The following ADGRL2 variants were observed in gnomAD, a reference collection of about 807,000 sequenced individuals.
ADGRL2 encodes calcium-independent alpha-latrotoxin receptor 2.
In ADGRL2, 44 loss-of-function variants were observed where a neutral mutation model predicts 157.4. The observed-to-expected ratio is 0.28, with a 90% CI of 0.22 to 0.36. The LOEUF (loss-of-function observed/expected upper bound fraction) is 0.36, where lower values mean the gene tolerates loss of function less well. Ranked by LOEUF, ADGRL2 falls within the 10% of genes least tolerant of loss-of-function variation. ADGRL2 has a pLI of 1.00. For synonymous variants in ADGRL2, 585 were observed against 624.7 expected (o/e 0.94, Z 0.95); for missense variants, 1,510 against 1,768.9 (o/e 0.85, Z 2.63).
chr1:81,615,743 G>A (rs1204935512), intron 3 of ADGRL2, among the ~76,000 whole-genome samples: 4 of 152,158 alleles, frequency 2.6e-5, no homozygotes, highest in Non-Finnish European at 5.9e-5. Context: ...CTGCTCTGGA[G>A]ACCACAGAAA....
chr1:81,927,289 CT>C lies in ADGRL2; in HGVS notation c.288-9435del, dbSNP rs1300788747. On this transcript the variant is annotated intron_variant, in intron 3 of 23. Coordinates refer to ENST00000686636, the MANE Select transcript of ADGRL2 (RefSeq NM_001366006.2). Reference sequence around the variant, plus strand: ...TCTGTTTCTCTTATACACTATACTCCTTTTCAGTCAAATGGATTTATGTTTA... The same window carrying C: ...TCTGTTTCTCTTATACACTATACTCCTTTCAGTCAAATGGATTTATGTTTA... Among the ~76,000 whole-genome samples, 5 of 151,898 alleles carry C rather than the reference CT, an allele frequency of 3.3e-5. No individual in the cohort carries two copies. In the South Asian group the frequency reaches 1.0e-3, roughly 32 times the overall value.
intron 2 of ADGRL2, among the ~76,000 whole-genome samples, chr1:81,777,525 C>T (rs1433111426): frequency 6.6e-6 from 1 of 152,188 alleles, no homozygotes; most frequent in South Asian, 2.1e-4. Flanking sequence ...AATCCCAGCA[C>T]TTTGGGAGGC....
chr1:81,650,574 CAAA>C (rs1180168819), intron 3 of ADGRL2, among the ~76,000 whole-genome samples: 5 of 62,350 alleles, frequency 8.0e-5, no homozygotes, highest in Middle Eastern at 7.0e-3. Flanking sequence ...GACTCCATCT[CAAA>C]AAAAAAAAAA....
chr1:81,580,411 A>T (rs534242343), intron 2 of ADGRL2, among the ~76,000 whole-genome samples: 32 of 152,188 alleles, frequency 2.1e-4, no homozygotes, highest in Admixed American at 4.6e-4. Context: ...GTGTTAAGAG[A>T]AAACAGGGGT....
intron 2 of ADGRL2, among the ~76,000 whole-genome samples, chr1:81,855,070 A>C (rs750275177): frequency 4.6e-5 from 7 of 152,180 alleles, no homozygotes; most frequent in Non-Finnish European, 1.0e-4. Context: ...CTGTGGGACC[A>C]GGGAATTAAC....
chr1:81,436,031 G>A (rs1274376126), intron 1 of ADGRL2, among the ~76,000 whole-genome samples: 1 of 152,172 alleles, frequency 6.6e-6, no homozygotes, highest in South Asian at 2.1e-4. Flanking sequence ...GGAGGCAGAT[G>A]TTGCGGTGAG....
intron 6 of ADGRL2, among the ~76,000 whole-genome samples, chr1:81,949,379 CT>C (rs1312555451): frequency 6.6e-6 from 1 of 152,158 alleles, no homozygotes; most frequent in Non-Finnish European, 1.5e-5. Flanking sequence ...CAAAAATAAC[CT>C]TTGAAAATAA....
In ADGRL2 at chr1:81,683,951, G is replaced by C. The variant is rs1473123157; in HGVS notation, c.-142-77860G>C. Among the ~76,000 whole-genome samples the C allele has an allele frequency of 5.3e-5, 8 of 152,112 alleles. No individual in the cohort carries two copies. The South Asian group carries it at 6.2e-4, about 12-fold the overall frequency. The stretch of plus-strand genomic sequence containing the variant: ...CCTGCCTCAGCCTCCTGAGTAGCTT[G>C]GATTACAGGCGCACGCCACCATGCC... On this transcript the variant is annotated intron_variant, in intron 3 of 24. Coordinates refer to the ADGRL2 transcript ENST00000370721.
chr1:81,461,171 T>C (rs2077919745), intron 2 of ADGRL2, among the ~76,000 whole-genome samples: 1 of 152,204 alleles, frequency 6.6e-6, no homozygotes, highest in South Asian at 2.1e-4. Flanking sequence ...GCGATATTTC[T>C]AAGTTTTTAA....
chr1:81,565,845 T>C (rs76209910), intron 2 of ADGRL2, among the ~76,000 whole-genome samples: 6,699 of 152,236 alleles, frequency 0.044, 198 homozygotes, highest in African/African-American at 0.071. Context: ...GTGATTTAGG[T>C]ACACTAAAAC....
intron 13 of ADGRL2, among the ~76,000 whole-genome samples, chr1:81,967,411 T>G (rs1046515847): frequency 1.5e-4 from 23 of 152,048 alleles, no homozygotes; most frequent in South Asian, 2.1e-4. Flanking sequence ...ACAGGCGTCC[T>G]CCACCACGCC....
At chr1:81,681,736 C>G (rs1450807661) in intron 3 of ADGRL2, among the ~76,000 whole-genome samples, 1 of 152,170 alleles carries the variant, frequency 6.6e-6, no homozygotes, top group Non-Finnish European at 1.5e-5. Context: ...ATATGCATAG[C>G]ACCGCAACAG....
chr1:81,951,972 A>G lies in ADGRL2; in HGVS notation c.1624A>G (p.Asn542Asp), dbSNP rs769233366. Reference protein sequence around the residue: ...QLAQKIRSGENAASLANELAK... With the variant: ...QLAQKIRSGEDAASLANELAK... ...GTTTTTTCAGATCAGAAGCGGAGAA[A>G]ATGCTGCTAGTCTTGCCAATGAACT... The change falls in exon 9 of 24, where the codon AAT becomes GAT. Residue 542 changes from asparagine to aspartate, a missense_variant. By Grantham distance (23) the Asn-to-Asp change is conservative. Around this residue, in one of 4 missense-constraint regions of ADGRL2, gnomAD observed 325 missense variants for 333.2 expected, o/e 0.98. Transcript: ENST00000686636. 3 of 1,604,452 alleles carry G rather than the reference A, an allele frequency of 1.9e-6. No individual in the cohort carries two copies. Among genetic ancestry groups the G allele is most frequent in the Non-Finnish European group, 2.6e-6 (3 of 1,175,634 alleles).
At chr1:81,746,693 G>A (rs1248327602) in intron 1 of ADGRL2, among the ~76,000 whole-genome samples, 1 of 151,908 alleles carries the variant, frequency 6.6e-6, no homozygotes, top group Non-Finnish European at 1.5e-5. Flanking sequence ...TTTATCCTGT[G>A]AATAAATGTT....
At chr1:81,775,343 A>G (rs2086537103) in intron 2 of ADGRL2, among the ~76,000 whole-genome samples, 1 of 152,212 alleles carries the variant, frequency 6.6e-6, no homozygotes, top group Non-Finnish European at 1.5e-5. Flanking sequence ...AAATAATGGC[A>G]TTCGGTCCTC....
chr1:81,863,530 G>A (rs1557798446), intron 2 of ADGRL2, among the ~76,000 whole-genome samples: 1 of 152,132 alleles, frequency 6.6e-6, no homozygotes, highest in Non-Finnish European at 1.5e-5. Flanking sequence ...AATAGCAGTG[G>A]CTCCCTCCTG....
chr1:81,756,893 G>A (rs780975047), intron 1 of ADGRL2, among the ~76,000 whole-genome samples: 2 of 152,128 alleles, frequency 1.3e-5, no homozygotes, highest in Non-Finnish European at 2.9e-5. Context: ...GTTTACACAC[G>A]TGGAACAACC....
chr1:81,729,439 C>A (rs1254959552), intron 1 of ADGRL2, among the ~76,000 whole-genome samples: 3 of 152,060 alleles, frequency 2.0e-5, no homozygotes, highest in Non-Finnish European at 4.4e-5. Flanking sequence ...CCTGACTTTG[C>A]AAAATTAAAT....
intron 13 of ADGRL2, 79 bp downstream of exon 13, chr1:81,966,688 A>T: frequency 1.6e-6 from 2 of 1,243,944 alleles, no homozygotes; most frequent in Non-Finnish European, 2.4e-6. Flanking sequence ...GGTGCTGGGG[A>T]TGGGGAGAGA....
Sources: allele counts gnomAD v4.1 joint callset (sites outside exome capture counted in the v4.1 genomes callset), GRCh38; gene constraint gnomAD v4.1.1; regional missense constraint gnomAD v4.1.1; transcripts MANE v1.5; gene names NCBI Gene and HGNC (gene_info 2026-07-23, HGNC 2026-07-21).